The following CENPP variants were observed in gnomAD, a reference collection of about 807,000 sequenced individuals.
The protein encoded by CENPP is centromere protein P.
A neutral mutation model predicts 35.6 loss-of-function variants in CENPP; 24 were observed. That is an observed-to-expected ratio of 0.67 (90% CI 0.49 to 0.95). The LOEUF (loss-of-function observed/expected upper bound fraction) is 0.95, where lower values mean the gene tolerates loss of function less well. CENPP is among the 40% of genes least tolerant of loss of function. CENPP has a pLI of 0.00. For missense variants in CENPP, 332 were observed against 345.3 expected, an observed-to-expected ratio of 0.96 and a Z score of 0.31; for synonymous variants, 120 against 125.5, an observed-to-expected ratio of 0.96 and a Z score of 0.29.
intron 7 of CENPP, 143 bp downstream of exon 7, chr9:92,612,757 T>C: frequency 1.4e-6 from 1 of 718,142 alleles, no homozygotes; most frequent in South Asian, 1.8e-5. Flanking sequence ...TTTTAAATAT[T>C]TTTATCAATA....
rs1849803097 is a variant in CENPP, at chr9:92,559,519, G to A, written c.565-51795G>A. On this transcript the variant is annotated intron_variant, in intron 5 of 7. Coordinates refer to ENST00000375587, the MANE Select transcript of CENPP (RefSeq NM_001012267.3). ...GCAGTCCATTTCCCTCAGAGGGTCT[G>A]TGGGTCCTCTTGGGATTGCCAATTT... Among the ~76,000 whole-genome samples, 5 of 152,174 alleles carry A rather than the reference G, an allele frequency of 3.3e-5. No individual in the cohort carries two copies. The South Asian group carries it at 1.0e-3, about 32-fold the overall frequency.
chr9:92,524,366 G>T (rs1266852490), intron 5 of CENPP, among the ~76,000 whole-genome samples: 4 of 152,168 alleles, frequency 2.6e-5, no homozygotes, highest in African/African-American at 9.7e-5. Flanking sequence ...GGCACTCTTG[G>T]TACAGTAGTA....
intron 4 of CENPP, among the ~76,000 whole-genome samples, chr9:92,366,516 G>GC (rs1278823236): frequency 6.6e-6 from 1 of 152,082 alleles, no homozygotes; most frequent in Non-Finnish European, 1.5e-5. Flanking sequence ...AAGTATATGT[G>GC]CCCACCACTA....
At chr9:92,330,668 GT>G (rs530539091) in intron 1 of CENPP, among the ~76,000 whole-genome samples, 9 of 141,754 alleles carry the variant, frequency 6.3e-5, no homozygotes, top group Non-Finnish European at 1.4e-4. Context: ...AAAAGTTTAA[GT>G]TTTTTTTTTC....
At chr9:92,408,708 A>G (rs988452564) in intron 5 of CENPP, among the ~76,000 whole-genome samples, 1 of 152,134 alleles carries the variant, frequency 6.6e-6, no homozygotes, top group African/African-American at 2.4e-5. Context: ...CCTTCTACCC[A>G]CTAGATGCTA....
At chr9:92,494,138 T>A in intron 5 of CENPP, 1 of 1,597,622 alleles carries the variant, frequency 6.3e-7, no homozygotes, top group Non-Finnish European at 8.5e-7. Context: ...TAGAACAGCA[T>A]CTGAAACACA....
intron 5 of CENPP, chr9:92,416,970 A>G: frequency 1.2e-6 from 2 of 1,614,000 alleles, no homozygotes; most frequent in Non-Finnish European, 1.7e-6. Context: ...TCATGAAGAT[A>G]ATTATAACAG....
rs147418022 is a variant in CENPP, at chr9:92,426,150, G to T, written c.564+46291G>T. On this transcript the variant is annotated intron_variant, in intron 5 of 7. Transcript: ENST00000375587. ...GGGATGGGGATGGGGGGAGGTGGTG[G>T]TAGTTAGAGTCAGGCCTTAAAGGAA... 9.9e-4 allele frequency among the ~76,000 whole-genome samples: 150 copies of T among 152,228 alleles called. 3 individuals carry two copies. The East Asian group carries it at 0.026, about 26-fold the overall frequency.
At chr9:92,524,475 A>G (rs899421391) in intron 5 of CENPP, among the ~76,000 whole-genome samples, 1 of 152,168 alleles carries the variant, frequency 6.6e-6, no homozygotes, top group Admixed American at 6.5e-5. Flanking sequence ...TCATCAAAGG[A>G]TTCACTCAGC....
chr9:92,378,046 G>A (rs909646582), intron 4 of CENPP, among the ~76,000 whole-genome samples: 1 of 152,164 alleles, frequency 6.6e-6, no homozygotes, highest in African/African-American at 2.4e-5. Context: ...TGCCATGCTG[G>A]TTGAGATCAG....
intron 5 of CENPP, among the ~76,000 whole-genome samples, chr9:92,589,007 C>A (rs747805219): frequency 1.3e-5 from 2 of 152,040 alleles, no homozygotes; most frequent in Non-Finnish European, 2.9e-5. Context: ...GCAAATGTAT[C>A]ATTTCAGAAT....
chr9:92,439,309 A>G (rs1298761261), intron 5 of CENPP, among the ~76,000 whole-genome samples: 2 of 152,040 alleles, frequency 1.3e-5, no homozygotes, highest in East Asian at 3.8e-4. Context: ...CTGCCCTCCC[A>G]TGGTGAAAAT....
intron 5 of CENPP, among the ~76,000 whole-genome samples, chr9:92,511,082 C>A (rs1458196665): frequency 6.6e-6 from 1 of 152,074 alleles, no homozygotes; most frequent in Non-Finnish European, 1.5e-5. Context: ...CAAACATAAA[C>A]CCCTTTTCTC....
At chr9:92,530,685 A>G (rs1035752585) in intron 5 of CENPP, among the ~76,000 whole-genome samples, 1 of 152,104 alleles carries the variant, frequency 6.6e-6, no homozygotes. Context: ...TCTAATATTA[A>G]TGTAGTTGCA....
chr9:92,406,872 T>C (rs568592844), intron 5 of CENPP, among the ~76,000 whole-genome samples: 81 of 152,304 alleles, frequency 5.3e-4, no homozygotes, highest in African/African-American at 1.7e-3. Context: ...TCTGGCAAGA[T>C]GGGTATTACC....
chr9:92,389,851 T>TA, intron 5 of CENPP: 1 of 1,587,988 alleles, frequency 6.3e-7, no homozygotes, highest in Non-Finnish European at 8.6e-7. Context: ...ATAAAATACT[T>TA]ACTTTGAATG....
chr9:92,519,942 A>G (rs1018028865), intron 5 of CENPP, among the ~76,000 whole-genome samples: 1 of 151,448 alleles, frequency 6.6e-6, no homozygotes, highest in Non-Finnish European at 1.5e-5. Context: ...GAATATTCAT[A>G]AAGAACTCTT....
At chr9:92,339,286 T>C (rs1305554286) in intron 3 of CENPP, among the ~76,000 whole-genome samples, 1 of 152,212 alleles carries the variant, frequency 6.6e-6, no homozygotes, top group Non-Finnish European at 1.5e-5. Flanking sequence ...CAGTCCCAAG[T>C]TTCCCATTTT....
intron 5 of CENPP, chr9:92,417,457 C>A: frequency 6.2e-7 from 1 of 1,613,904 alleles, no homozygotes. Context: ...CATCATCTGG[C>A]TCTTGGTCAT....
Sources: allele counts gnomAD v4.1 joint callset (sites outside exome capture counted in the v4.1 genomes callset), GRCh38; gene constraint gnomAD v4.1.1; transcripts MANE v1.5; gene names NCBI Gene and HGNC (gene_info 2026-07-23, HGNC 2026-07-21).